Variants in TMEM178B observed in about 807,000 individuals in gnomAD.
TMEM178B encodes transmembrane protein 178B.
TMEM178B carries 5 observed loss-of-function variants against 31.0 expected under a neutral mutation model. That is an observed-to-expected ratio of 0.16 (90% CI 0.08 to 0.34). TMEM178B has a LOEUF of 0.34. Among genes scored for constraint, TMEM178B ranks in the 10% least tolerant of loss-of-function variants. The pLI, the probability that TMEM178B is intolerant of heterozygous loss-of-function variation, is 1.00. For missense variants in TMEM178B, 275 were observed against 400.3 expected (o/e 0.69, Z 2.67); for synonymous variants, 164 against 164.0 (o/e 1.00, Z 0.00).
At chr7:141,346,955 C>T (rs950165856) in intron 2 of TMEM178B, among the ~76,000 whole-genome samples, 2 of 152,114 alleles carry the variant, frequency 1.3e-5, no homozygotes, top group Non-Finnish European at 2.9e-5. Flanking sequence ...TTAGCACCAT[C>T]GCCCTAGTGC....
At chr7:141,354,602 C>A (rs1799787862) in intron 2 of TMEM178B, among the ~76,000 whole-genome samples, 1 of 152,128 alleles carries the variant, frequency 6.6e-6, no homozygotes, top group African/African-American at 2.4e-5. Context: ...CTTTCGTATC[C>A]CCTTCCTACT....
intron 2 of TMEM178B, among the ~76,000 whole-genome samples, chr7:141,401,487 C>A (rs922996734): frequency 6.6e-6 from 1 of 152,190 alleles, no homozygotes; most frequent in Non-Finnish European, 1.5e-5. Context: ...GCGATCATAG[C>A]TCACTGCAGC....
In TMEM178B at chr7:141,459,457, C is replaced by T. The variant is rs1048541298; in HGVS notation, c.635-11079C>T. ...ACCACGCCAGTTCTTGAGAAATTCA[C>T]AGGCTGGCTGAGCACAAGCTCAAAC... On this transcript the variant is annotated intron_variant, in intron 3 of 3. Coordinates refer to ENST00000565468, the MANE Select transcript of TMEM178B (RefSeq NM_001195278.2). Among the ~76,000 whole-genome samples the T allele has an allele frequency of 6.6e-5, 10 of 152,290 alleles. No individual in the cohort carries two copies. The South Asian group carries it at 1.9e-3, about 28-fold the overall frequency.
intron 3 of TMEM178B, among the ~76,000 whole-genome samples, chr7:141,466,267 A>G (rs1802146421): frequency 6.6e-6 from 1 of 152,212 alleles, no homozygotes. Context: ...TCACAGAGCA[A>G]CCAACAGGAA....
intron 2 of TMEM178B, among the ~76,000 whole-genome samples, chr7:141,408,588 G>T (rs988556302): frequency 5.3e-5 from 8 of 152,256 alleles, no homozygotes; most frequent in African/African-American, 9.6e-5. Context: ...TGTGGTTCCT[G>T]CCCTGAATGG....
At chr7:141,246,535 A>G (rs1477578780) in intron 2 of TMEM178B, among the ~76,000 whole-genome samples, 3 of 152,248 alleles carry the variant, frequency 2.0e-5, no homozygotes, top group Non-Finnish European at 4.4e-5. Context: ...TGTAGCCTAT[A>G]TGCTAAGAAT....
At chr7:141,131,594 C>G (rs1795596305) in intron 1 of TMEM178B, among the ~76,000 whole-genome samples, 1 of 152,186 alleles carries the variant, frequency 6.6e-6, no homozygotes, top group Non-Finnish European at 1.5e-5. Context: ...TACCTGGCTT[C>G]TTTTACCTAT....
intron 2 of TMEM178B, among the ~76,000 whole-genome samples, chr7:141,337,137 C>T (rs1205437653): frequency 1.0e-4 from 5 of 48,440 alleles, no homozygotes; most frequent in African/African-American, 1.6e-4. Flanking sequence ...ATCACCACCA[C>T]CACCATCATC....
At chr7:141,365,089 G>A (rs1250044570) in intron 2 of TMEM178B, among the ~76,000 whole-genome samples, 3 of 152,252 alleles carry the variant, frequency 2.0e-5, no homozygotes, top group Non-Finnish European at 4.4e-5. Context: ...CTGTAGGCCC[G>A]TCTCAGAAAC....
At chr7:141,241,108 G>A (rs1797610891) in intron 2 of TMEM178B, among the ~76,000 whole-genome samples, 2 of 149,900 alleles carry the variant, frequency 1.3e-5, no homozygotes, top group Admixed American at 6.7e-5. Context: ...TAGTGCACCC[G>A]TCACCCGAGT....
chr7:141,498,600 C>A, the TMEM178B span, among the ~76,000 whole-genome samples: 2 of 152,222 alleles, frequency 1.3e-5, no homozygotes, highest in Admixed American at 6.5e-5. Context: ...AGATAAGCAG[C>A]TTCTCACCAG....
intron 2 of TMEM178B, among the ~76,000 whole-genome samples, chr7:141,411,848 G>A (rs976403751): frequency 1.3e-5 from 2 of 152,230 alleles, no homozygotes; most frequent in Non-Finnish European, 2.9e-5. Flanking sequence ...ATTCTTGTGG[G>A]TTGTATTGGT....
intron 1 of TMEM178B, among the ~76,000 whole-genome samples, chr7:141,089,815 A>T (rs539681685): frequency 3.1e-4 from 47 of 152,210 alleles, no homozygotes; most frequent in African/African-American, 1.1e-3. Context: ...AACAGTGAGA[A>T]CACTTGGATA....
intron 1 of TMEM178B, among the ~76,000 whole-genome samples, chr7:141,209,476 G>T (rs2129187446): frequency 6.6e-6 from 1 of 152,276 alleles, no homozygotes; most frequent in East Asian, 1.9e-4. Flanking sequence ...TGGATTCTTT[G>T]CCCACTGCAG....
intron 2 of TMEM178B, among the ~76,000 whole-genome samples, chr7:141,380,133 C>T (rs1366324034): frequency 6.6e-6 from 1 of 152,148 alleles, no homozygotes; most frequent in African/African-American, 2.4e-5. Context: ...ATGTTGAGGT[C>T]TAGATGTGTA....
At chr7:141,268,184 G>C (rs779505033) in intron 2 of TMEM178B, among the ~76,000 whole-genome samples, 1 of 152,194 alleles carries the variant, frequency 6.6e-6, no homozygotes, top group Non-Finnish European at 1.5e-5. Context: ...GACCCAGTTT[G>C]AAGCACTAAG....
chr7:141,437,499 C>T, intron 2 of TMEM178B, 109 bp from the exon 3 acceptor site: 1 of 1,433,162 alleles, frequency 7.0e-7, no homozygotes, highest in Non-Finnish European at 9.3e-7. Context: ...GGTTGCCTTC[C>T]TGCTCCTGGA....
chr7:141,265,946 C>T (rs1481405882), intron 2 of TMEM178B, among the ~76,000 whole-genome samples: 1 of 152,162 alleles, frequency 6.6e-6, no homozygotes, highest in East Asian at 1.9e-4. Flanking sequence ...GGCTGGAGCT[C>T]ACCCTCATTC....
At chr7:141,268,985 C>A (rs975128526) in intron 2 of TMEM178B, among the ~76,000 whole-genome samples, 1 of 152,150 alleles carries the variant, frequency 6.6e-6, no homozygotes, top group Non-Finnish European at 1.5e-5. Flanking sequence ...TTCCTCTCAT[C>A]CTTCAAGGGG....
Sources: allele counts gnomAD v4.1 joint callset (sites outside exome capture counted in the v4.1 genomes callset), GRCh38; gene constraint gnomAD v4.1.1; transcripts MANE v1.5; gene names NCBI Gene and HGNC (gene_info 2026-07-23, HGNC 2026-07-21).